The following STK10 variants were observed in gnomAD, a reference collection of about 807,000 sequenced individuals.
The protein encoded by STK10 is serine/threonine kinase 10, also known as serine/threonine-protein kinase 10.
STK10 carries 78 observed loss-of-function variants against 113.8 expected under a neutral mutation model. The ratio of observed to expected loss-of-function variants is 0.69; its 90% CI spans 0.57 to 0.83. STK10 has a LOEUF of 0.83. STK10 is among the 40% of genes least tolerant of loss of function. STK10 has a pLI of 0.00. For missense variants in STK10, 1,109 were observed against 1,280.1 expected, an observed-to-expected ratio of 0.87 and a Z score of 2.04; for synonymous variants, 465 against 494.7, an observed-to-expected ratio of 0.94 and a Z score of 0.80.
intron 1 of STK10, among the ~76,000 whole-genome samples, chr5:172,180,812 T>C (rs1770842013): frequency 6.6e-6 from 1 of 152,060 alleles, no homozygotes; most frequent in South Asian, 2.1e-4. Flanking sequence ...CTGTCTAAAG[T>C]AAAATAAAAT....
chr5:172,048,898 G>A (rs1394680031), intron 18 of STK10, among the ~76,000 whole-genome samples: 1 of 151,890 alleles, frequency 6.6e-6, no homozygotes, highest in Non-Finnish European at 1.5e-5. Context: ...GGCCGCAGGG[G>A]TCTCCTTGTT....
chr5:172,131,324 G>A (rs1265967106), intron 2 of STK10, among the ~76,000 whole-genome samples: 1 of 152,146 alleles, frequency 6.6e-6, no homozygotes, highest in Non-Finnish European at 1.5e-5. Context: ...GTGAGCCCCC[G>A]CGCCTGGCCT....
chr5:172,165,318 TCCA>T (rs1237355761), intron 1 of STK10, among the ~76,000 whole-genome samples: 3 of 152,086 alleles, frequency 2.0e-5, no homozygotes, highest in African/African-American at 7.2e-5. Context: ...GGAAGCTGAG[TCCA>T]CCAAGGCGAA....
chr5:172,176,563 C>T (rs978738794), intron 1 of STK10, among the ~76,000 whole-genome samples: 1 of 152,178 alleles, frequency 6.6e-6, no homozygotes, highest in African/African-American at 2.4e-5. Flanking sequence ...GGCTCTGGCA[C>T]CCTGCAATTG....
chr5:172,147,993 C>A (rs1770120615), intron 2 of STK10, among the ~76,000 whole-genome samples: 1 of 152,190 alleles, frequency 6.6e-6, no homozygotes, highest in Non-Finnish European at 1.5e-5. Context: ...GTGGTTCACA[C>A]ATCTGTTGGC....
chr5:172,084,254 G>T (rs1768500789), intron 10 of STK10, among the ~76,000 whole-genome samples: 1 of 151,944 alleles, frequency 6.6e-6, no homozygotes, highest in East Asian at 1.9e-4. Flanking sequence ...TACAAAATTA[G>T]CTGGGTGTGG....
intron 12 of STK10, among the ~76,000 whole-genome samples, chr5:172,081,464 T>C (rs990112786): frequency 2.0e-5 from 3 of 152,130 alleles, no homozygotes; most frequent in Admixed American, 1.3e-4. Context: ...TTACTGAATA[T>C]TGACTGGCTT....
At chr5:172,183,456 C>CT (rs574488817) in intron 1 of STK10, among the ~76,000 whole-genome samples, 34,163 of 139,678 alleles carry the variant, frequency 0.24, 5,720 homozygotes, top group African/African-American at 0.49. Context: ...GTAAACTTTA[C>CT]TTTTTTTTTT....
intron 4 of STK10, among the ~76,000 whole-genome samples, chr5:172,113,342 C>T (rs764725882): frequency 6.6e-6 from 1 of 152,102 alleles, no homozygotes. Context: ...AGGTATGTTA[C>T]AGAAAGAGAC....
At chr5:172,069,458 T>C (rs1291506475) in intron 12 of STK10, among the ~76,000 whole-genome samples, 2 of 152,166 alleles carry the variant, frequency 1.3e-5, no homozygotes, top group Non-Finnish European at 1.5e-5. Context: ...TATATAATTA[T>C]AAAAGGAAGA....
chr5:172,063,345 T>C (rs1767975772), intron 13 of STK10: 1 of 152,218 alleles, frequency 6.6e-6, no homozygotes, highest in Non-Finnish European at 1.5e-5. Flanking sequence ...TGTGTTTGAA[T>C]GGCTGAAAAT....
chr5:172,082,263 C>G lies in STK10; in HGVS notation c.1989+63G>C. On this transcript the variant is annotated intron_variant, in intron 12 of 18. Transcript: ENST00000176763. This position sits in a 1 kb window ranked among gnomAD's most constrained non-coding sequence, Gnocchi z 4.3. ...CAAGGTGAGGTTGAGGCCACGATCA[C>G]TTGCAACCAAGAAGGCCCCTAATAC... is the stretch of plus-strand genomic sequence containing the variant. 1 of 1,436,960 alleles carries G rather than the reference C, an allele frequency of 7.0e-7. No homozygotes were observed. Among genetic ancestry groups the G allele is most frequent in the Non-Finnish European group, 9.2e-7 (1 of 1,091,846 alleles). 89.0% of individuals were successfully genotyped at this position (1,436,960 alleles called of 1,614,324 possible).
chr5:172,183,911 C>T (rs1770907369), intron 1 of STK10, among the ~76,000 whole-genome samples: 1 of 152,090 alleles, frequency 6.6e-6, no homozygotes, highest in African/African-American at 2.4e-5. Flanking sequence ...CACATTAAGG[C>T]TTATCAGGGA....
chr5:172,053,651 C>A (rs1767681306), intron 17 of STK10, among the ~76,000 whole-genome samples: 1 of 152,204 alleles, frequency 6.6e-6, no homozygotes, highest in Non-Finnish European at 1.5e-5. Flanking sequence ...GGGAATCAGT[C>A]TTGTCATGAG....
chr5:172,106,567 G>A (rs1769114930), intron 6 of STK10, 53 bp downstream of exon 6: 3 of 1,549,494 alleles, frequency 1.9e-6, no homozygotes, highest in Non-Finnish European at 2.6e-6. Flanking sequence ...ACATATTCCA[G>A]CCCTAATCCC....
intron 18 of STK10, among the ~76,000 whole-genome samples, chr5:172,049,333 C>G (rs745555962): frequency 1.3e-5 from 2 of 152,022 alleles, no homozygotes; most frequent in Non-Finnish European, 2.9e-5. Context: ...GACGGGGAGC[C>G]CAGAAGACAC....
In STK10 at chr5:172,106,612, C is replaced by T. The variant is rs533256883; in HGVS notation, c.788+8G>A. 3 of 1,610,102 alleles carry T rather than the reference C, an allele frequency of 1.9e-6. No homozygotes were observed. Among genetic ancestry groups the T allele is most frequent in the South Asian group, 2.2e-5 (2 of 90,834 alleles). ...ACCCCGGCAGGTGGCCCTGCCCCTG[C>T]CCCTCACCACTTAGAGGGCGTGAGC... On this transcript the variant is annotated splice_region_variant and intron_variant, in intron 6 of 18. Transcript: ENST00000176763.
At chr5:172,045,401 G>GTT (rs768113028) in intron 18 of STK10, 8 of 414,046 alleles carry the variant, frequency 1.9e-5, no homozygotes, top group South Asian at 3.7e-5. Flanking sequence ...GATGTCAGAA[G>GTT]TTTTTTTTTT....
At chr5:172,056,173 T>A (rs1039309260) in intron 15 of STK10, among the ~76,000 whole-genome samples, 2 of 152,244 alleles carry the variant, frequency 1.3e-5, no homozygotes, top group Non-Finnish European at 2.9e-5. Context: ...ATTTCAAAGC[T>A]CAGCATGGGC....
Sources: allele counts gnomAD v4.1 joint callset (sites outside exome capture counted in the v4.1 genomes callset), GRCh38; gene constraint gnomAD v4.1.1; non-coding constraint Gnocchi (gnomAD v3.1); transcripts MANE v1.5; gene names NCBI Gene and HGNC (gene_info 2026-07-23, HGNC 2026-07-21).